The following GJA8 variants were observed in gnomAD, a reference collection of about 807,000 sequenced individuals.
GJA8 encodes gap junction alpha-8 protein.
A neutral mutation model predicts 15.3 loss-of-function variants in GJA8; 13 were observed. That is an observed-to-expected ratio of 0.85 (90% CI 0.55 to 1.35). The LOEUF is 1.35. Ranked by LOEUF, GJA8 falls within the 40% of genes most tolerant of loss-of-function variation. The pLI, the probability that GJA8 is intolerant of heterozygous loss-of-function variation, is 0.00. For synonymous variants in GJA8, 304 were observed against 238.7 expected, an observed-to-expected ratio of 1.27 and a Z score of -2.52; for missense variants, 607 against 553.3, an observed-to-expected ratio of 1.10 and a Z score of -0.97.
At chr1:147,913,179 T>C (rs782665257), downstream of GJA8, among the ~76,000 whole-genome samples, 1 of 152,288 alleles carries the variant, frequency 6.6e-6, no homozygotes, top group African/African-American at 2.4e-5. Flanking sequence ...CTTCACAAGA[T>C]GTTATAGGTC....
Position 147,908,374 on chromosome 1 carries a change from A to G in GJA8, c.419A>G (p.Lys140Arg). The change falls in exon 2 of 2, where the codon AAG becomes AGG. Residue 140 changes from lysine (K) to arginine (R), a missense_variant. Transcript: ENST00000369235. ...AGCAGCGGCAGCAAAGGCACTAAGA[A>G]GTTCCGGCTGGAGGGGACCCTGCTG... ...KKSSGSKGTK[K>R]FRLEGTLLRT... is the part of the protein sequence containing the mutation. 6.2e-7 allele frequency: 1 copy of G among 1,614,196 alleles called. No homozygotes were observed. Among genetic ancestry groups the G allele is most frequent in the Non-Finnish European group, 8.5e-7 (1 of 1,180,032 alleles).
downstream of GJA8, among the ~76,000 whole-genome samples, chr1:147,911,870 A>G (rs1463987864): frequency 2.0e-5 from 3 of 151,464 alleles, no homozygotes; most frequent in African/African-American, 7.2e-5. Context: ...AATGAGGGCT[A>G]CTGGTCTCCT....
downstream of GJA8, among the ~76,000 whole-genome samples, chr1:147,909,441 T>C (rs782699388): frequency 7.2e-5 from 11 of 152,104 alleles, no homozygotes; most frequent in South Asian, 2.1e-4. Flanking sequence ...ACATCCAGCA[T>C]AAGGGCTACC....
chr1:147,909,537 C>T (rs1210301215), downstream of GJA8, among the ~76,000 whole-genome samples: 1 of 152,214 alleles, frequency 6.6e-6, no homozygotes, highest in Non-Finnish European at 1.5e-5. Context: ...GGTGACTCTT[C>T]TTTCATCCCC....
At chr1:147,906,504 C>A (rs1171574679) in intron 1 of GJA8, among the ~76,000 whole-genome samples, 1 of 152,188 alleles carries the variant, frequency 6.6e-6, no homozygotes, top group Non-Finnish European at 1.5e-5. Context: ...TTAAAACAGC[C>A]ATATGTTACA....
chr1:147,909,160 C>T lies in GJA8; in HGVS notation c.1205C>T (p.Pro402Leu), dbSNP rs1553243041. The stretch of plus-strand genomic sequence containing the variant: ...CAAGGGCTGCCAGCTGAGAAGACAC[C>T]TTCACTCTGTCCAGAGCTGACAACA... ...SKQGLPAEKTPSLCPELTTDD... is the reference protein window; with the variant it reads ...SKQGLPAEKTLSLCPELTTDD... The change falls in exon 2 of 2, where the codon CCT (proline) becomes CTT (leucine). Residue 402 changes from proline (P) to leucine (L), a missense_variant. Transcript: ENST00000369235. 6.2e-7 allele frequency: 1 copy of T among 1,611,152 alleles called. No homozygotes were observed. Among genetic ancestry groups the T allele is most frequent in the South Asian group, 1.1e-5 (1 of 91,006 alleles).
At chr1:147,913,068 G>A (rs587617559), downstream of GJA8, among the ~76,000 whole-genome samples, 1 of 152,220 alleles carries the variant, frequency 6.6e-6, no homozygotes, top group South Asian at 2.1e-4. Context: ...AGTCAGGGGT[G>A]TTGATTGCCC....
intron 1 of GJA8, among the ~76,000 whole-genome samples, chr1:147,906,848 A>G (rs188324167): frequency 1.3e-5 from 2 of 152,260 alleles, no homozygotes; most frequent in Non-Finnish European, 2.9e-5. Flanking sequence ...CTTGGACAAT[A>G]TATTTAGCCT....
chr1:147,908,769 GAGAAAAT>G lies in GJA8; in HGVS notation c.815_821del (p.Glu272AlafsTer8). The G allele has an allele frequency of 6.2e-7, 1 of 1,614,160 alleles. No individual in the cohort carries two copies. The highest frequency in any genetic ancestry group is 8.5e-7 in the Non-Finnish European group (1 of 1,180,010). On this transcript the variant is annotated frameshift_variant, in exon 2 of 2. Coordinates refer to ENST00000369235, the MANE Select transcript of GJA8 (RefSeq NM_005267.5). LOFTEE classifies it low-confidence loss of function (END_TRUNC). Reference sequence around the variant, plus strand: ...CAAGGGCTATCAGCTCCTAGAAGAAGAGAAAATCGTTTCCCACTATTTCCCCTTGACC... The same window carrying G: ...CAAGGGCTATCAGCTCCTAGAAGAAGCGTTTCCCACTATTTCCCCTTGACC...
At chr1:147,909,412 C>G (rs1384224726), downstream of GJA8, among the ~76,000 whole-genome samples, 2 of 152,118 alleles carry the variant, frequency 1.3e-5, no homozygotes, top group Non-Finnish European at 2.9e-5. Context: ...CCAGGCAACT[C>G]TAGGAAACAG....
intron 1 of GJA8, among the ~76,000 whole-genome samples, chr1:147,906,039 C>T (rs1157361199): frequency 6.6e-6 from 1 of 152,242 alleles, no homozygotes; most frequent in Admixed American, 6.5e-5. Flanking sequence ...ATTGCAGATG[C>T]CTGCAATTAG....
intron 1 of GJA8, among the ~76,000 whole-genome samples, chr1:147,906,583 T>G (rs1311024756): frequency 1.3e-5 from 2 of 152,214 alleles, no homozygotes; most frequent in South Asian, 2.1e-4. Flanking sequence ...TCCTGTGACA[T>G]GATTCCTTCC....
Position 147,908,102 on chromosome 1 carries a change from A to T in GJA8, c.147A>T (p.Gln49His). The T allele has an allele frequency of 6.2e-7, 1 of 1,614,152 alleles. No individual in the cohort carries two copies. The highest frequency in any genetic ancestry group is 1.1e-5 in the South Asian group (1 of 91,078). Residue 49 changes from glutamine to histidine, a missense_variant, in exon 2 of 2, where the codon CAA becomes CAT. Gln to His is a conservative substitution (Grantham distance 24, BLOSUM62 0). Coordinates refer to ENST00000369235, the MANE Select transcript of GJA8 (RefSeq NM_005267.5). ...TAAEFVWGDEQSDFVCNTQQP... is the reference protein window; with the variant it reads ...TAAEFVWGDEHSDFVCNTQQP... The stretch of plus-strand genomic sequence containing the variant: ...CAGAGTTCGTGTGGGGGGATGAGCA[A>T]TCCGACTTCGTGTGCAACACCCAGC...
chr1:147,908,958 G>A lies in GJA8; in HGVS notation c.1003G>A (p.Gly335Arg), dbSNP rs782611812. The change falls in exon 2 of 2, where the codon GGG becomes AGG. Residue 335 changes from glycine to arginine, a missense_variant. Physicochemically the swap from Gly to Arg is moderately radical, Grantham distance 125 (BLOSUM62 -2). Coordinates refer to ENST00000369235, the MANE Select transcript of GJA8 (RefSeq NM_005267.5). The stretch of plus-strand genomic sequence containing the variant: ...GGGGGCACAAGAAGTGGAGGGCGAG[G>A]GGCCGCCTGCAGAGGAGGGAGCCGA... ...QVGAQEVEGE[G>R]PPAEEGAEPE... 2.5e-6 allele frequency: 4 copies of A among 1,604,762 alleles called. No homozygotes were observed. The highest frequency in any genetic ancestry group is 2.2e-5 in the South Asian group (2 of 90,214).
At chr1:147,906,000 T>C (rs1265213963) in intron 1 of GJA8, among the ~76,000 whole-genome samples, 36 of 152,356 alleles carry the variant, frequency 2.4e-4, no homozygotes, top group Non-Finnish European at 8.8e-5. Flanking sequence ...GAACAGCTAT[T>C]GTGCCTGCCC....
the GJA8 span, among the ~76,000 whole-genome samples, chr1:147,914,377 C>T: frequency 2.1e-4 from 32 of 152,168 alleles, no homozygotes; most frequent in African/African-American, 7.0e-4. Flanking sequence ...AAGAGAGACA[C>T]GTTATTGGGA....
intron 1 of GJA8, among the ~76,000 whole-genome samples, chr1:147,903,934 C>CTTTTTTTTTT (rs56033018): frequency 7.4e-6 from 1 of 134,616 alleles, no homozygotes; most frequent in African/African-American, 2.8e-5. Flanking sequence ...TTTAATAACT[C>CTTTTTTTTTT]TTTTTTTTTT....
At chr1:147,909,849 T>A (rs1652033826), downstream of GJA8, among the ~76,000 whole-genome samples, 1 of 152,160 alleles carries the variant, frequency 6.6e-6, no homozygotes, top group Non-Finnish European at 1.5e-5. Context: ...CTTTCTGATT[T>A]TTCAAGGGAA....
chr1:147,908,943 G>A lies in GJA8; in HGVS notation c.988G>A (p.Glu330Lys), dbSNP rs782352722. The A allele has an allele frequency of 3.1e-6, 5 of 1,608,726 alleles. No individual in the cohort carries two copies. Among genetic ancestry groups the A allele is most frequent in the Non-Finnish European group, 4.3e-6 (5 of 1,176,350 alleles). Residue 330 changes from glutamate (E) to lysine (K), a missense_variant, in exon 2 of 2, where the codon GAA becomes AAA. Glu to Lys is a moderately conservative substitution (Grantham distance 56). Coordinates refer to ENST00000369235, the MANE Select transcript of GJA8 (RefSeq NM_005267.5). ...LPSYAQVGAQ[E>K]VEGEGPPAEE... ...TTCCTACGCTCAGGTGGGGGCACAA[G>A]AAGTGGAGGGCGAGGGGCCGCCTGC...
Sources: gnomAD v4.1 joint callset for allele counts (sites outside exome capture counted in the v4.1 genomes callset) on GRCh38, gnomAD v4.1.1 for gene constraint, MANE v1.5 for transcripts, NCBI Gene and HGNC (gene_info 2026-07-23, HGNC 2026-07-21) for gene names.